The following FSHR variants were observed in gnomAD, a reference collection of about 807,000 sequenced individuals.
FSHR encodes the protein follicle-stimulating hormone receptor.
A neutral mutation model predicts 52.1 loss-of-function variants in FSHR; 46 were observed. The ratio of observed to expected loss-of-function variants is 0.88; its 90% CI spans 0.70 to 1.13. FSHR has a LOEUF of 1.13. Among genes scored for constraint, FSHR ranks in the 50% most tolerant of loss-of-function variants. FSHR has a pLI of 0.00. For missense variants in FSHR, 964 were observed against 834.6 expected (o/e 1.16, Z -1.91); for synonymous variants, 399 against 309.6 (o/e 1.29, Z -3.03).
chr2:49,123,845 G>A (rs1386384367), intron 1 of FSHR, among the ~76,000 whole-genome samples: 1 of 152,108 alleles, frequency 6.6e-6, no homozygotes, highest in Non-Finnish European at 1.5e-5. Context: ...AGGGGAGGGA[G>A]GGTTCTCTTT....
intron 8 of FSHR, among the ~76,000 whole-genome samples, chr2:48,969,269 G>T (rs1050557918): frequency 6.6e-6 from 1 of 152,172 alleles, no homozygotes; most frequent in East Asian, 1.9e-4. Flanking sequence ...CATAAAACTA[G>T]CTATAAAAAT....
At chr2:49,134,825 A>G (rs1043033154) in intron 1 of FSHR, among the ~76,000 whole-genome samples, 1 of 152,162 alleles carries the variant, frequency 6.6e-6, no homozygotes, top group Admixed American at 6.5e-5. Context: ...ACAAAAAACC[A>G]AACACCGCAT....
intron 1 of FSHR, among the ~76,000 whole-genome samples, chr2:49,136,509 CTA>C (rs1558461859): frequency 2.0e-5 from 3 of 152,166 alleles, no homozygotes; most frequent in South Asian, 2.1e-4. Context: ...TGCACTCATT[CTA>C]TGAGGCCAGT....
intron 1 of FSHR, among the ~76,000 whole-genome samples, chr2:49,139,499 A>C (rs1672600731): frequency 6.6e-6 from 1 of 152,028 alleles, no homozygotes. Context: ...TTAAAAATTT[A>C]CTTTTTATGG....
intron 4 of FSHR, among the ~76,000 whole-genome samples, chr2:49,000,452 G>T (rs1386502387): frequency 6.6e-6 from 1 of 152,120 alleles, no homozygotes; most frequent in East Asian, 1.9e-4. Flanking sequence ...TTTTAACTTG[G>T]AGCAAGCTAT....
intron 4 of FSHR, among the ~76,000 whole-genome samples, chr2:49,013,134 C>A (rs1350685678): frequency 6.6e-6 from 1 of 151,360 alleles, no homozygotes; most frequent in African/African-American, 2.4e-5. Flanking sequence ...CCCCCCACCC[C>A]CACTTTCTCA....
intron 1 of FSHR, among the ~76,000 whole-genome samples, chr2:49,143,158 A>G (rs1272767435): frequency 1.3e-5 from 2 of 152,132 alleles, no homozygotes; most frequent in Non-Finnish European, 2.9e-5. Flanking sequence ...AAGCCTGGGA[A>G]CTCCAACATC....
intron 2 of FSHR, among the ~76,000 whole-genome samples, chr2:49,048,250 A>G (rs562704080): frequency 7.0e-6 from 1 of 143,052 alleles, no homozygotes; most frequent in East Asian, 2.1e-4. Flanking sequence ...GGAAAGAAAA[A>G]GTTGAGGATG....
In FSHR at chr2:48,988,963, T is replaced by G. The variant is rs1334017703; in HGVS notation, c.524+14A>C. ...TCAAATGTTACTCTGTTGGATTTTT[T>G]CCCCCTTACTTACAGAATCACACTT... On this transcript the variant is annotated intron_variant, in intron 6 of 9. Coordinates refer to ENST00000406846, the MANE Select transcript of FSHR (RefSeq NM_000145.4). The G allele has an allele frequency of 1.2e-6, 2 of 1,607,004 alleles. No individual in the cohort carries two copies. Among genetic ancestry groups the G allele is most frequent in the East Asian group, 2.2e-5 (1 of 44,814 alleles).
intron 4 of FSHR, among the ~76,000 whole-genome samples, chr2:49,013,143 C>T (rs1428703092): frequency 6.7e-6 from 1 of 149,722 alleles, no homozygotes; most frequent in Non-Finnish European, 1.5e-5. Flanking sequence ...CCCACTTTCT[C>T]ACTCTCACTC....
chr2:49,150,097 C>T (rs1357321811), intron 1 of FSHR, among the ~76,000 whole-genome samples: 1 of 151,926 alleles, frequency 6.6e-6, no homozygotes, highest in African/African-American at 2.4e-5. Flanking sequence ...AAAGTAAGAT[C>T]AAAGGCACTT....
rs561187391 is a variant in FSHR at position 49,033,595 on chromosome 2, T to C, written c.225-13435A>G. Among the ~76,000 whole-genome samples the C allele has an allele frequency of 3.3e-5, 5 of 152,182 alleles. No individual in the cohort carries two copies. The East Asian group carries it at 7.8e-4, about 24-fold the overall frequency. On this transcript the variant is annotated intron_variant, in intron 2 of 9. Coordinates refer to ENST00000406846, the MANE Select transcript of FSHR (RefSeq NM_000145.4). ...TGGTCTGCAACCAAGCTGCCTGCACTGGGGGCTGTGTGCAAGCTGGAGCCT... is the reference window on the plus strand; with the variant it reads ...TGGTCTGCAACCAAGCTGCCTGCACCGGGGGCTGTGTGCAAGCTGGAGCCT...
At chr2:49,083,369 C>T (rs1238145032) in intron 1 of FSHR, among the ~76,000 whole-genome samples, 5 of 151,302 alleles carry the variant, frequency 3.3e-5, no homozygotes, top group African/African-American at 7.3e-5. Flanking sequence ...AAGGAACAAC[C>T]GGTACCAGCC....
At chr2:49,023,846 G>C (rs756305219) in intron 2 of FSHR, among the ~76,000 whole-genome samples, 1 of 152,280 alleles carries the variant, frequency 6.6e-6, no homozygotes, top group African/African-American at 2.4e-5. Flanking sequence ...GCTTCCATGA[G>C]GTACTGGGGG....
chr2:49,085,664 C>G (rs530224380), intron 1 of FSHR, among the ~76,000 whole-genome samples: 1 of 152,054 alleles, frequency 6.6e-6, no homozygotes, highest in South Asian at 2.1e-4. Flanking sequence ...CACATGCACA[C>G]GTATGTTTAT....
chr2:48,962,510 T>A lies in FSHR; in HGVS notation c.*223A>T. The A allele has an allele frequency of 1.8e-6, 1 of 560,150 alleles. No individual in the cohort carries two copies. Among genetic ancestry groups the A allele is most frequent in the Admixed American group, 3.1e-5 (1 of 32,462 alleles). 34.7% of individuals were successfully genotyped at this position (560,150 alleles called of 1,614,324 possible). ...ATAACATATATAAGGATAAAATATG[T>A]AATACAGTATTGCATTCTTTAATTA... On this transcript the variant is annotated 3_prime_UTR_variant, in exon 10 of 10. Transcript: ENST00000406846.
At chr2:49,054,452 A>G (rs1055113274) in intron 2 of FSHR, among the ~76,000 whole-genome samples, 10 of 152,170 alleles carry the variant, frequency 6.6e-5, no homozygotes, top group African/African-American at 2.4e-4. Context: ...AAGGCCTGCA[A>G]AACATCCCTG....
At chr2:49,095,362 A>T (rs1209580619) in intron 1 of FSHR, among the ~76,000 whole-genome samples, 2 of 152,152 alleles carry the variant, frequency 1.3e-5, no homozygotes, top group Non-Finnish European at 2.9e-5. Flanking sequence ...GGGTGATGAC[A>T]TTTTAATAGG....
intron 1 of FSHR, among the ~76,000 whole-genome samples, chr2:49,092,599 CT>C (rs758402218): frequency 3.6e-4 from 54 of 152,044 alleles, no homozygotes; most frequent in South Asian, 1.0e-3. Context: ...AATCTTTTTT[CT>C]TTAGTCTTTT....
Sources: allele counts gnomAD v4.1 joint callset (sites outside exome capture counted in the v4.1 genomes callset), GRCh38; gene constraint gnomAD v4.1.1; transcripts MANE v1.5; gene names NCBI Gene and HGNC (gene_info 2026-07-23, HGNC 2026-07-21).